NAALADL2: variants seen among roughly 807,000 people sequenced by gnomAD.
The protein encoded by NAALADL2 is N-acetylated alpha-linked acidic dipeptidase like 2.
NAALADL2 carries 76 observed loss-of-function variants against 87.2 expected under a neutral mutation model. The ratio of observed to expected loss-of-function variants is 0.87; its 90% CI spans 0.72 to 1.05. The LOEUF is 1.05. Ranked by LOEUF, NAALADL2 falls within the 50% of genes least tolerant of loss-of-function variation. The probability of loss-of-function intolerance (pLI) is 0.00; values close to 1 mark genes in which losing one functional copy is unlikely to be tolerated. For synonymous variants in NAALADL2, 354 were observed against 331.0 expected, an observed-to-expected ratio of 1.07 and a Z score of -0.75; for missense variants, 1,089 against 945.8, an observed-to-expected ratio of 1.15 and a Z score of -1.99.
intron 10 of NAALADL2, among the ~76,000 whole-genome samples, chr3:175,576,668 A>G (rs55831302): frequency 0.14 from 21,648 of 152,162 alleles, 1,667 homozygotes; most frequent in Middle Eastern, 0.18. Flanking sequence ...ATTTTTTTCC[A>G]AAGAATATCA....
intron 1 of NAALADL2, among the ~76,000 whole-genome samples, chr3:175,096,495 C>CGTGT (rs3067035): frequency 0.023 from 3,252 of 143,242 alleles, 49 homozygotes; most frequent in African/African-American, 0.043. Context: ...ATTAATGGGG[C>CGTGT]GTGTGTGTGT....
chr3:175,613,976 T>A (rs996392674), intron 10 of NAALADL2, among the ~76,000 whole-genome samples: 2 of 152,194 alleles, frequency 1.3e-5, no homozygotes, highest in Admixed American at 6.5e-5. Flanking sequence ...CATATACCTT[T>A]TACACATCAG....
intron 4 of NAALADL2, among the ~76,000 whole-genome samples, chr3:175,278,034 G>C (rs758236387): frequency 6.6e-6 from 1 of 151,990 alleles, no homozygotes; most frequent in Non-Finnish European, 1.5e-5. Context: ...GCTGAGGCAG[G>C]AGAATGGCGT....
At chr3:175,214,445 C>T (rs531917772) in intron 2 of NAALADL2, among the ~76,000 whole-genome samples, 5 of 152,044 alleles carry the variant, frequency 3.3e-5, no homozygotes, top group Admixed American at 2.6e-4. Flanking sequence ...GGCTATAAAC[C>T]TTTGGATTAA....
chr3:174,877,555 T>A (rs1468478342), intron 1 of NAALADL2, among the ~76,000 whole-genome samples: 3 of 152,110 alleles, frequency 2.0e-5, no homozygotes, highest in Non-Finnish European at 4.4e-5. Context: ...GCTCCAGGAA[T>A]TTCATTAACT....
intron 9 of NAALADL2, among the ~76,000 whole-genome samples, chr3:175,554,548 T>G (rs2149497526): frequency 6.6e-6 from 1 of 152,232 alleles, no homozygotes; most frequent in Non-Finnish European, 1.5e-5. Context: ...AGTATCTTTA[T>G]GTAAATGGCT....
chr3:175,777,490 T>A (rs1750406378), intron 13 of NAALADL2, among the ~76,000 whole-genome samples: 1 of 152,146 alleles, frequency 6.6e-6, no homozygotes, highest in Non-Finnish European at 1.5e-5. Context: ...GTTATTACTT[T>A]TATCACTGTT....
chr3:174,698,586 C>T (rs1729248271), intron 2 of NAALADL2, among the ~76,000 whole-genome samples: 1 of 95,612 alleles, frequency 1.0e-5, no homozygotes, highest in South Asian at 4.2e-4. Flanking sequence ...ATTTCATGGC[C>T]GGGCGCGGTG....
At chr3:175,067,461 A>T (rs1263532679) in intron 1 of NAALADL2, among the ~76,000 whole-genome samples, 1 of 152,176 alleles carries the variant, frequency 6.6e-6, no homozygotes, top group Non-Finnish European at 1.5e-5. Context: ...AAAACAAGAC[A>T]TATCAGCGGC....
At chr3:175,474,269 T>C (rs979219183) in intron 9 of NAALADL2, among the ~76,000 whole-genome samples, 1 of 152,214 alleles carries the variant, frequency 6.6e-6, no homozygotes, top group East Asian at 1.9e-4. Flanking sequence ...ATATAATAGA[T>C]TTAAATACAT....
intron 1 of NAALADL2, among the ~76,000 whole-genome samples, chr3:174,997,740 C>T (rs893960973): frequency 2.6e-5 from 4 of 151,774 alleles, no homozygotes; most frequent in African/African-American, 4.8e-5. Flanking sequence ...CTCTTGAACC[C>T]GGGGAAGAGG....
At chr3:174,847,190 C>G (rs1027254221) in intron 3 of NAALADL2, among the ~76,000 whole-genome samples, 2 of 152,106 alleles carry the variant, frequency 1.3e-5, no homozygotes, top group Non-Finnish European at 2.9e-5. Flanking sequence ...ACCCATATTT[C>G]TTATATGTGT....
intron 2 of NAALADL2, among the ~76,000 whole-genome samples, chr3:175,223,609 C>T (rs1451987810): frequency 6.6e-6 from 1 of 151,988 alleles, no homozygotes; most frequent in African/African-American, 2.4e-5. Context: ...GTGAATACTT[C>T]TTTGAGATAA....
intron 5 of NAALADL2, among the ~76,000 whole-genome samples, chr3:175,417,094 C>A (rs1223702307): frequency 1.4e-5 from 2 of 139,334 alleles, no homozygotes; most frequent in Non-Finnish European, 3.1e-5. Flanking sequence ...AAACAAGCAG[C>A]CAAAATACAG....
chr3:174,988,749 A>C (rs1746318155), intron 1 of NAALADL2, among the ~76,000 whole-genome samples: 1 of 152,152 alleles, frequency 6.6e-6, no homozygotes, highest in Non-Finnish European at 1.5e-5. Flanking sequence ...CCCTCCTTAT[A>C]AGAAAATCAG....
At chr3:175,543,310 G>A (rs1180757167) in intron 9 of NAALADL2, among the ~76,000 whole-genome samples, 6 of 152,020 alleles carry the variant, frequency 3.9e-5, no homozygotes, top group Admixed American at 3.9e-4. Context: ...TTTTAGACCT[G>A]CTGCAGTAAA....
intron 2 of NAALADL2, among the ~76,000 whole-genome samples, chr3:175,197,007 G>A (rs1033068832): frequency 1.3e-4 from 20 of 151,940 alleles, no homozygotes; most frequent in African/African-American, 4.8e-4. Context: ...AAATAGGTGA[G>A]AAACATAAGG....
Position 175,688,559 on chromosome 3 carries a change from C to G in NAALADL2, c.1897-48747C>G, listed in dbSNP as rs1477778807. 2.0e-5 allele frequency among the ~76,000 whole-genome samples: 3 copies of G among 151,894 alleles called. No homozygotes were observed. In the East Asian group the frequency reaches 5.8e-4, roughly 29 times the overall value. ...GTCAATTCCTTGCTGTTCTTTTTTTCCCTCATGGAAGGGTGCACAGTCCAG... is the reference window on the plus strand; with the variant it reads ...GTCAATTCCTTGCTGTTCTTTTTTTGCCTCATGGAAGGGTGCACAGTCCAG... On this transcript the variant is annotated intron_variant, in intron 11 of 13. Transcript: ENST00000454872.
chr3:175,659,708 A>G (rs570384964), intron 11 of NAALADL2, among the ~76,000 whole-genome samples: 86 of 152,310 alleles, frequency 5.6e-4, no homozygotes, highest in African/African-American at 2.0e-3. Context: ...TTTAGTCTTA[A>G]TCTTCAATCA....
Sources: allele counts gnomAD v4.1 joint callset (sites outside exome capture counted in the v4.1 genomes callset), GRCh38; gene constraint gnomAD v4.1.1; transcripts MANE v1.5; gene names NCBI Gene and HGNC (gene_info 2026-07-23, HGNC 2026-07-21).